The following ALDOC variants were observed in gnomAD, a reference collection of about 807,000 sequenced individuals.
ALDOC encodes the protein fructose-bisphosphate aldolase C.
In ALDOC, 23 loss-of-function variants were observed where a neutral mutation model predicts 39.5. That is an observed-to-expected ratio of 0.58 (90% CI 0.42 to 0.82). The LOEUF is 0.82. Ranked by LOEUF, ALDOC falls within the 40% of genes least tolerant of loss-of-function variation. The probability of loss-of-function intolerance (pLI) is 0.00; values close to 1 mark genes in which losing one functional copy is unlikely to be tolerated. For synonymous variants in ALDOC, 160 were observed against 182.6 expected (o/e 0.88, Z 1.00); for missense variants, 356 against 479.1 (o/e 0.74, Z 2.40).
In ALDOC at chr17:28,576,857, A is replaced by T. The variant is rs1352405753; in HGVS notation, c.-69T>A. On this transcript the variant is annotated 5_prime_UTR_variant, in exon 1 of 9. Coordinates refer to ENST00000226253, the MANE Select transcript of ALDOC (RefSeq NM_005165.3). ...AAGCACAGCTCGGGTTCTGATCCGC[A>T]AACAGATGAGGCTGCAGCCCTGGCT... The T allele has an allele frequency of 1.0e-6, 1 of 985,352 alleles. No individual in the cohort carries two copies. Among genetic ancestry groups the T allele is most frequent in the Non-Finnish European group, 1.2e-6 (1 of 829,980 alleles). The allele number at this position is 985,352 out of a possible 1,614,324, so 61.0% of individuals were successfully genotyped here.
In ALDOC at chr17:28,574,184, G is replaced by C. The variant is rs181289784; in HGVS notation, c.682C>G (p.Leu228Val). 6.2e-7 allele frequency: 1 copy of C among 1,611,324 alleles called. No individual in the cohort carries two copies. Among genetic ancestry groups the C allele is most frequent in the East Asian group, 2.2e-5 (1 of 44,878 alleles). ...SDHHVYLEGT[L>V]LKPNMVTPGH... ...GGGGTCACCATGTTGGGCTTGAGCA[G>C]GGTCCCCTCCAGGTATACATGATGG... The change falls in exon 7 of 9, where the codon CTG becomes GTG. Residue 228 changes from leucine (L) to valine (V), a missense_variant. Transcript: ENST00000226253.
In ALDOC at chr17:28,573,955, C is replaced by T; in HGVS notation, c.800-21G>A. The T allele has an allele frequency of 6.2e-7, 1 of 1,613,744 alleles. No individual in the cohort carries two copies. The highest frequency in any genetic ancestry group is 8.5e-7 in the Non-Finnish European group (1 of 1,179,748). ...CACTCCTAGTGTGGAGGAGAGAAGA[C>T]AAACTGACTGGTCACTCCCAATTTT... On this transcript the variant is annotated intron_variant, in intron 7 of 8. Coordinates refer to ENST00000226253, the MANE Select transcript of ALDOC (RefSeq NM_005165.3). The surrounding 1 kb of genome is among the most constrained non-coding windows in gnomAD (Gnocchi z 4.3).
Position 28,574,552 on chromosome 17 carries a change from G to C in ALDOC, c.566C>G (p.Pro189Arg). The change falls in exon 6 of 9, where the codon CCT becomes CGT. Residue 189 changes from proline (P) to arginine (R), a missense_variant. Physicochemically the swap from Pro to Arg is moderately radical, Grantham distance 103. Transcript: ENST00000226253. Reference protein sequence around the residue: ...QQNGIVPIVEPEILPDGDHDL... With the variant: ...QQNGIVPIVEREILPDGDHDL... The stretch of plus-strand genomic sequence containing the variant: ...GTGGTCTCCATCAGGCAATATTTCA[G>C]GTTCCACAATAGGCACAATGCCATT... 1 of 1,614,140 alleles carries C rather than the reference G, an allele frequency of 6.2e-7. No homozygotes were observed. The highest frequency in any genetic ancestry group is 8.5e-7 in the Non-Finnish European group (1 of 1,180,000).
intron 6 of ALDOC, 27 bp from the exon 7 acceptor site, chr17:28,574,268 T>C: frequency 3.8e-6 from 6 of 1,569,676 alleles, no homozygotes; most frequent in South Asian, 1.2e-5. Flanking sequence ...GGAGGTTTAC[T>C]AAGGGTCTGG....
rs1484302705 is a variant in ALDOC, at chr17:28,573,853, C to A, written c.881G>T (p.Arg294Leu). The A allele has an allele frequency of 6.2e-7, 1 of 1,614,054 alleles. No homozygotes were observed. The highest frequency in any genetic ancestry group is 1.3e-5 in the African/African-American group (1 of 74,918). Reference protein sequence around the residue: ...LNAINRCPLPRPWALTFSYGR... With the variant: ...LNAINRCPLPLPWALTFSYGR... The stretch of plus-strand genomic sequence containing the variant: ...ATAGGAGAAGGTAAGCGCCCAGGGT[C>A]GGGGAAGGGGGCAGCGGTTGATGGC... Residue 294 changes from arginine to leucine, a missense_variant, in exon 8 of 9, where the codon CGA (arginine) becomes CTA (leucine). Transcript: ENST00000226253. This position sits in a 1 kb window ranked among gnomAD's most constrained non-coding sequence, Gnocchi z 4.3.
At position 28,573,159 on chromosome 17, in the gene ALDOC, A is replaced by C; in HGVS notation, c.*367T>G. On this transcript the variant is annotated 3_prime_UTR_variant, in exon 9 of 9. Coordinates refer to ENST00000226253, the MANE Select transcript of ALDOC (RefSeq NM_005165.3). The surrounding 1 kb of genome is among the most constrained non-coding windows in gnomAD (Gnocchi z 4.3). ...TTATTTGCTGTATGGTATGTACTCA[A>C]GGCATGAGTCAGGGCTTCTGTACTA... 2.7e-6 allele frequency: 1 copy of C among 366,662 alleles called. No individual in the cohort carries two copies. Among genetic ancestry groups the C allele is most frequent in the Non-Finnish European group, 5.2e-6 (1 of 193,230 alleles). 22.7% of individuals were successfully genotyped at this position (366,662 alleles called of 1,614,324 possible).
rs1368000844 is a variant in ALDOC at position 28,575,103 on chromosome 17, A to G, written c.324+20T>C. 6.2e-7 allele frequency: 1 copy of G among 1,614,120 alleles called. No homozygotes were observed. Among genetic ancestry groups the G allele is most frequent in the Non-Finnish European group, 8.5e-7 (1 of 1,179,994 alleles). ...ATTTTCACACCCAGCTTCCATTCAG[A>G]GCAGGGCCAGGGGCTGCACCTTGAT... On this transcript the variant is annotated intron_variant, in intron 3 of 8. Transcript: ENST00000226253. This position sits in a 1 kb window ranked among gnomAD's most constrained non-coding sequence, Gnocchi z 4.3.
chr17:28,576,445 C>T (rs2070492320), intron 1 of ALDOC: 1 of 152,700 alleles, frequency 6.5e-6, no homozygotes. Context: ...CGGGAGAGAC[C>T]TAGACCGGGG....
rs780908264 is a variant in ALDOC at position 28,574,517 on chromosome 17, G to A, written c.601C>T (p.Arg201Cys). The change falls in exon 6 of 9, where the codon CGT (arginine) becomes TGT (cysteine). Residue 201 changes from arginine (R) to cysteine (C), a missense_variant. By Grantham distance (180) the Arg-to-Cys change is radical. Coordinates refer to ENST00000226253, the MANE Select transcript of ALDOC (RefSeq NM_005165.3). ...ACCTTCTCTGTAACATACTGACAAC[G>A]TTTGAGGTCGTGGTCTCCATCAGGC... ...ILPDGDHDLK[R>C]CQYVTEKVLA... is the part of the protein sequence containing the mutation. 10 of 1,613,994 alleles carry A rather than the reference G, an allele frequency of 6.2e-6. No individual in the cohort carries two copies. Among genetic ancestry groups the A allele is most frequent in the South Asian group, 1.1e-5 (1 of 91,084 alleles).
rs748583504 is a variant in ALDOC at position 28,573,659 on chromosome 17, C to T, written c.1000-38G>A. 5.0e-6 allele frequency: 8 copies of T among 1,613,706 alleles called. No individual in the cohort carries two copies. ...GCGTGGAGTAAGCAGGCTGAGCCAG[C>T]CCACAGGTGCCAAGCCCTGCCCAGG... On this transcript the variant is annotated intron_variant, in intron 8 of 8. Coordinates refer to ENST00000226253, the MANE Select transcript of ALDOC (RefSeq NM_005165.3). The surrounding 1 kb of genome is among the most constrained non-coding windows in gnomAD (Gnocchi z 4.3).
chr17:28,575,640 G>C lies in ALDOC; in HGVS notation c.-12-96C>G. On this transcript the variant is annotated intron_variant, in intron 1 of 8. Coordinates refer to ENST00000226253, the MANE Select transcript of ALDOC (RefSeq NM_005165.3). The surrounding 1 kb of genome is among the most constrained non-coding windows in gnomAD (Gnocchi z 4.3). Reference sequence around the variant, plus strand: ...GGCCTCCCCATCAAGCAAGGGGCTGGGAACAGGGCAGCAGTCCTTGGCATG... The same window carrying C: ...GGCCTCCCCATCAAGCAAGGGGCTGCGAACAGGGCAGCAGTCCTTGGCATG... 3 of 1,451,632 alleles carry C rather than the reference G, an allele frequency of 2.1e-6. No homozygotes were observed. The highest frequency in any genetic ancestry group is 4.9e-5 in the East Asian group (2 of 40,664). The allele number at this position is 1,451,632 out of a possible 1,614,324, so 89.9% of individuals were successfully genotyped here.
rs761879736 is a variant in ALDOC, at chr17:28,573,859, A to G, written c.875T>C (p.Leu292Pro). 4.3e-6 allele frequency: 7 copies of G among 1,614,206 alleles called. No homozygotes were observed. The highest frequency in any genetic ancestry group is 1.1e-5 in the South Asian group (1 of 91,090). ...GAAGGTAAGCGCCCAGGGTCGGGGA[A>G]GGGGGCAGCGGTTGATGGCATTGAG... Reference protein sequence around the residue: ...FNLNAINRCPLPRPWALTFSY... With the variant: ...FNLNAINRCPPPRPWALTFSY... The change falls in exon 8 of 9, where the codon CTT becomes CCT. Residue 292 changes from leucine (L) to proline (P), a missense_variant. Coordinates refer to ENST00000226253, the MANE Select transcript of ALDOC (RefSeq NM_005165.3). The surrounding 1 kb of genome is among the most constrained non-coding windows in gnomAD (Gnocchi z 4.3).
chr17:28,575,905 T>C lies in ALDOC; in HGVS notation c.-12-361A>G, dbSNP rs2070483398. 2.0e-6 allele frequency: 2 copies of C among 981,570 alleles called. No homozygotes were observed. The highest frequency in any genetic ancestry group is 2.5e-6 in the Non-Finnish European group (2 of 799,688). The allele number at this position is 981,570 out of a possible 1,614,324, so 60.8% of individuals were successfully genotyped here. A position where few individuals can be genotyped will look rare whatever the true frequency, so the allele number is the denominator to read the frequency against. ...CCCTTGTTGAGGTAGGCAAAAGTCC[T>C]GGCCTTTCCAGCTTCCCTTTTCTCA... On this transcript the variant is annotated intron_variant, in intron 1 of 8. Transcript: ENST00000226253. The surrounding 1 kb of genome is among the most constrained non-coding windows in gnomAD (Gnocchi z 4.3).
Position 28,575,596 on chromosome 17 carries a change from C to A in ALDOC, c.-12-52G>T. 6.4e-7 allele frequency: 1 copy of A among 1,574,322 alleles called. No individual in the cohort carries two copies. Among genetic ancestry groups the A allele is most frequent in the South Asian group, 1.1e-5 (1 of 87,324 alleles). On this transcript the variant is annotated intron_variant, in intron 1 of 8. Transcript: ENST00000226253. The surrounding 1 kb of genome is among the most constrained non-coding windows in gnomAD (Gnocchi z 4.3). The stretch of plus-strand genomic sequence containing the variant: ...CAGACCTCACCCTCTGCTGCCTCTC[C>A]TGGCCAGATGGGCCAAATGGCCTCC...
rs1397454973 is a variant in ALDOC at position 28,575,636 on chromosome 17, G to A, written c.-12-92C>T. 2.0e-6 allele frequency: 3 copies of A among 1,470,122 alleles called. No individual in the cohort carries two copies. Among genetic ancestry groups the A allele is most frequent in the African/African-American group, 2.8e-5 (2 of 71,392 alleles). The allele number at this position is 1,470,122 out of a possible 1,614,324, so 91.1% of individuals were successfully genotyped here. A position where few individuals can be genotyped will look rare whatever the true frequency, so the allele number is the denominator to read the frequency against. On this transcript the variant is annotated intron_variant, in intron 1 of 8. Transcript: ENST00000226253. This position sits in a 1 kb window ranked among gnomAD's most constrained non-coding sequence, Gnocchi z 4.3. ...AAATGGCCTCCCCATCAAGCAAGGGGCTGGGAACAGGGCAGCAGTCCTTGG... is the reference window on the plus strand; with the variant it reads ...AAATGGCCTCCCCATCAAGCAAGGGACTGGGAACAGGGCAGCAGTCCTTGG...
Position 28,576,824 on chromosome 17 carries a change from G to A in ALDOC, c.-36C>T. 1 of 985,422 alleles carries A rather than the reference G, an allele frequency of 1.0e-6. No individual in the cohort carries two copies. The highest frequency in any genetic ancestry group is 4.7e-5 in the South Asian group (1 of 21,294). The allele number at this position is 985,422 out of a possible 1,614,324, so 61.0% of individuals were successfully genotyped here. Reference sequence around the variant, plus strand: ...ACCTGTGCGCAGCCAGTTAGCAGCCGCAGCCACAAGCACAGCTCGGGTTCT... The same window carrying A: ...ACCTGTGCGCAGCCAGTTAGCAGCCACAGCCACAAGCACAGCTCGGGTTCT... On this transcript the variant is annotated 5_prime_UTR_variant, in exon 1 of 9. Coordinates refer to ENST00000226253, the MANE Select transcript of ALDOC (RefSeq NM_005165.3).
In ALDOC at chr17:28,575,997, A is replaced by C. The variant is rs2070484649; in HGVS notation, c.-12-453T>G. 2 of 1,004,378 alleles carry C rather than the reference A, an allele frequency of 2.0e-6. No individual in the cohort carries two copies. Among genetic ancestry groups the C allele is most frequent in the Non-Finnish European group, 2.4e-6 (2 of 840,528 alleles). The allele number at this position is 1,004,378 out of a possible 1,614,324, so 62.2% of individuals were successfully genotyped here. A position where few individuals can be genotyped will look rare whatever the true frequency, so the allele number is the denominator to read the frequency against. ...GCTTCAGAATGAGGCAAAAGTACTT[A>C]TTGCCACCCTCTTCTCTCAGCTTCT... On this transcript the variant is annotated intron_variant, in intron 1 of 8. Transcript: ENST00000226253. The surrounding 1 kb of genome is among the most constrained non-coding windows in gnomAD (Gnocchi z 4.3).
Position 28,574,759 on chromosome 17 carries a change from G to C in ALDOC, c.477C>G (p.Pro159=). 6.2e-7 allele frequency: 1 copy of C among 1,614,198 alleles called. No individual in the cohort carries two copies. Among genetic ancestry groups the C allele is most frequent in the Non-Finnish European group, 8.5e-7 (1 of 1,180,030 alleles). The part of the protein sequence containing the change: ...RCVLKISERT[P]SALAILENAN... ...CGTTCTCCAGAATGGCAAGTGCAGA[G>C]GGTGTACGCTCACTGATTTTCAGCA... The change falls in exon 5 of 9, where the codon CCC becomes CCG. Residue 159 remains proline, a synonymous_variant. Coordinates refer to ENST00000226253, the MANE Select transcript of ALDOC (RefSeq NM_005165.3).
Position 28,575,129 on chromosome 17 carries a change from G to A in ALDOC, c.318C>T (p.Gly106=). The change falls in exon 3 of 9, where the codon GGC becomes GGT. Residue 106 remains glycine (G), a synonymous_variant. Coordinates refer to ENST00000226253, the MANE Select transcript of ALDOC (RefSeq NM_005165.3). The surrounding 1 kb of genome is among the most constrained non-coding windows in gnomAD (Gnocchi z 4.3). ...GCAGGGCCAGGGGCTGCACCTTGATGCCCACGACGATGCCCTTATCCTGGA... is the reference window on the plus strand; with the variant it reads ...GCAGGGCCAGGGGCTGCACCTTGATACCCACGACGATGCCCTTATCCTGGA... The part of the protein sequence containing the change: ...RTIQDKGIVV[G]IKVDKGVVPL... 1 of 1,614,184 alleles carries A rather than the reference G, an allele frequency of 6.2e-7. No individual in the cohort carries two copies. Among genetic ancestry groups the A allele is most frequent in the Non-Finnish European group, 8.5e-7 (1 of 1,180,036 alleles).
Sources: gnomAD v4.1 joint callset for allele counts on GRCh38, gnomAD v4.1.1 for gene constraint, Gnocchi (gnomAD v3.1) non-coding constraint, MANE v1.5 for transcripts, NCBI Gene and HGNC (gene_info 2026-07-23, HGNC 2026-07-21) for gene names.